The following PC variants were observed in gnomAD, a reference collection of about 807,000 sequenced individuals.
PC encodes pyruvate carboxylase, mitochondrial.
PC carries 46 observed loss-of-function variants against 107.8 expected under a neutral mutation model. The observed-to-expected ratio is 0.43, with a 90% confidence interval of 0.34 to 0.55. The LOEUF is 0.55. PC is among the 20% of genes least tolerant of loss of function. The probability of loss-of-function intolerance (pLI) is 0.04; values close to 1 mark genes in which losing one functional copy is unlikely to be tolerated. For synonymous variants in PC, 662 were observed against 684.7 expected (o/e 0.97, Z 0.52); for missense variants, 1,241 against 1,643.1 (o/e 0.76, Z 4.23).
intron 3 of PC, among the ~76,000 whole-genome samples, chr11:66,888,096 G>C (rs1389858723): frequency 6.6e-6 from 1 of 152,228 alleles, no homozygotes; most frequent in East Asian, 1.9e-4. Flanking sequence ...TTCCAGGTCA[G>C]AATCCTTCAT....
At chr11:66,867,286 T>C (rs1234290598) in intron 10 of PC, among the ~76,000 whole-genome samples, 1 of 152,168 alleles carries the variant, frequency 6.6e-6, no homozygotes, top group East Asian at 1.9e-4. Flanking sequence ...CTCAGGAGGC[T>C]GAGGCAGGAG....
chr11:66,877,214 C>T (rs1000795895), intron 3 of PC, among the ~76,000 whole-genome samples: 4 of 152,074 alleles, frequency 2.6e-5, no homozygotes, highest in East Asian at 1.9e-4. Context: ...GGTGAATCCC[C>T]GTCTCTACTA....
chr11:66,873,532 A>AT (rs1458865814), intron 3 of PC, among the ~76,000 whole-genome samples: 2 of 99,270 alleles, frequency 2.0e-5, no homozygotes, highest in South Asian at 2.4e-4. Flanking sequence ...ATATTATAAT[A>AT]TATATTATAT....
intron 11 of PC, among the ~76,000 whole-genome samples, chr11:66,864,371 C>T (rs562244705): frequency 7.2e-5 from 11 of 152,368 alleles, no homozygotes; most frequent in Admixed American, 1.3e-4. Flanking sequence ...CTGACCCGGC[C>T]GCTAAAGGGC....
intron 3 of PC, among the ~76,000 whole-genome samples, chr11:66,896,062 T>C (rs1947749829): frequency 6.6e-6 from 1 of 152,204 alleles, no homozygotes; most frequent in South Asian, 2.1e-4. Flanking sequence ...AAGGAAAAAT[T>C]GTTTCCAACC....
Position 66,871,495 on chromosome 11 carries a change from C to T in PC, c.322-15G>A. On this transcript the variant is annotated splice_polypyrimidine_tract_variant and intron_variant, in intron 5 of 22. Transcript: ENST00000393960. The surrounding 1 kb of genome is among the most constrained non-coding windows in gnomAD (Gnocchi z 7.4). ...ACGTTGTTCTCCTGCAGGTGGGGGT[C>T]AGGGAGAGGACGGTACCTTGCAGTC... 1 of 1,613,052 alleles carries T rather than the reference C, an allele frequency of 6.2e-7. No homozygotes were observed. Among genetic ancestry groups the T allele is most frequent in the Non-Finnish European group, 8.5e-7 (1 of 1,179,994 alleles).
chr11:66,858,155 G>A lies in PC; in HGVS notation c.1369-4772C>T, dbSNP rs138102608. ...GCAACCAGCTGGGCCGCATCGCGCCGGGAGCCTTCGACGACTTCCTAGAGA... is the reference window on the plus strand; with the variant it reads ...GCAACCAGCTGGGCCGCATCGCGCCAGGAGCCTTCGACGACTTCCTAGAGA... On this transcript the variant is annotated intron_variant, in intron 12 of 22. Transcript: ENST00000393960. This position sits in a 1 kb window ranked among gnomAD's most constrained non-coding sequence, Gnocchi z 5.9. 7 of 1,610,614 alleles carry A rather than the reference G, an allele frequency of 4.3e-6. No individual in the cohort carries two copies. The African/African-American group carries it at 9.3e-5, about 22-fold the overall frequency.
rs373825685 is a variant in PC at position 66,850,711 on chromosome 11, G to A, written c.2436C>T (p.Ala812=). 1 of 1,611,066 alleles carries A rather than the reference G, an allele frequency of 6.2e-7. No individual in the cohort carries two copies. The highest frequency in any genetic ancestry group is 8.5e-7 in the Non-Finnish European group (1 of 1,179,870). Residue 812 remains alanine, a synonymous_variant, in exon 18 of 23, where the codon GCC becomes GCT. Transcript: ENST00000393960. ...SGMTSQPSMG[A]LVACTRGTPL... ...GAGTCCCTCTGGTACAGGCCACCAG[G>A]GCCCCCATGCTGGGCTGTGAAGTCA...
At chr11:66,892,716 G>A (rs1235073544) in intron 3 of PC, among the ~76,000 whole-genome samples, 3 of 152,004 alleles carry the variant, frequency 2.0e-5, no homozygotes, top group Admixed American at 6.6e-5. Flanking sequence ...GCACGGTGGC[G>A]GGCGCCTATA....
rs564036126 is a variant in PC at position 66,943,463 on chromosome 11, G to T, written c.-1+8967C>A. Among the ~76,000 whole-genome samples the T allele has an allele frequency of 7.4e-4, 112 of 152,114 alleles. No individual in the cohort carries two copies. The South Asian group carries it at 0.022, about 30-fold the overall frequency. The stretch of plus-strand genomic sequence containing the variant: ...GTTAAGAAATAAACTTCTCGGCCGG[G>T]TGCGGTGGCTCACGCCTGTAATCCC... On this transcript the variant is annotated intron_variant, in intron 3 of 22. Coordinates refer to ENST00000393960, the MANE Select transcript of PC (RefSeq NM_001040716.2).
At chr11:66,935,433 A>G (rs1258758082) in intron 3 of PC, among the ~76,000 whole-genome samples, 2 of 152,206 alleles carry the variant, frequency 1.3e-5, no homozygotes, top group Non-Finnish European at 2.9e-5. Flanking sequence ...CAGGGAGAAG[A>G]GCCCTGCCTT....
intron 3 of PC, among the ~76,000 whole-genome samples, chr11:66,888,931 G>A (rs575228015): frequency 1.3e-5 from 2 of 151,956 alleles, no homozygotes; most frequent in African/African-American, 2.4e-5. Flanking sequence ...AAAATTAGCC[G>A]GGCGTGGTGG....
chr11:66,858,885 G>A lies in PC; in HGVS notation c.1368+4889C>T. On this transcript the variant is annotated intron_variant, in intron 12 of 22. Transcript: ENST00000393960. The surrounding 1 kb of genome is among the most constrained non-coding windows in gnomAD (Gnocchi z 5.9). ...CCATGGTGGGAACAGCAGTGCCGAG[G>A]GGGGCCGCCCCGGGCCCTCGGACAT... The A allele has an allele frequency of 2.6e-6, 4 of 1,562,554 alleles. No individual in the cohort carries two copies. Among genetic ancestry groups the A allele is most frequent in the East Asian group, 2.3e-5 (1 of 43,004 alleles).
intron 3 of PC, among the ~76,000 whole-genome samples, chr11:66,939,804 C>CAAAAAAAAAAAAAAAAAAA (rs56761659): frequency 2.5e-5 from 1 of 40,160 alleles, no homozygotes; most frequent in Non-Finnish European, 4.2e-5. Flanking sequence ...AACTCCGTCT[C>CAAAAAAAAAAAAAAAAAAA]AAAAAAAAAA....
intron 3 of PC, among the ~76,000 whole-genome samples, chr11:66,915,238 G>A (rs575612594): frequency 6.6e-6 from 1 of 152,236 alleles, no homozygotes. Context: ...CCTGCCTAAG[G>A]TTCCCCATGT....
Position 66,863,764 on chromosome 11 carries a change from A to C in PC, c.1368+10T>G. 1 of 1,602,264 alleles carries C rather than the reference A, an allele frequency of 6.2e-7. No individual in the cohort carries two copies. The highest frequency in any genetic ancestry group is 2.2e-5 in the East Asian group (1 of 44,654). On this transcript the variant is annotated intron_variant, in intron 12 of 22. Coordinates refer to ENST00000393960, the MANE Select transcript of PC (RefSeq NM_001040716.2). ...GGGAGCAAAGGCAGGCGGGGGCTGC[A>C]GCCTCTCACCTTCACACCTCGGACG...
At chr11:66,880,758 C>A (rs1947157361) in intron 3 of PC, among the ~76,000 whole-genome samples, 1 of 152,248 alleles carries the variant, frequency 6.6e-6, no homozygotes, top group African/African-American at 2.4e-5. Flanking sequence ...ATGGCTGGGG[C>A]CAGGCTCCCT....
intron 1 of PC, among the ~76,000 whole-genome samples, chr11:66,957,149 G>A (rs1003841759): frequency 6.6e-6 from 1 of 152,212 alleles, no homozygotes; most frequent in Non-Finnish European, 1.5e-5. Flanking sequence ...CCTTGGGGGA[G>A]GCCAGCCAGG....
intron 3 of PC, among the ~76,000 whole-genome samples, chr11:66,913,662 CAAA>C (rs11345088): frequency 5.4e-4 from 69 of 128,932 alleles, no homozygotes; most frequent in Admixed American, 6.3e-4. Context: ...AACTCTGTCT[CAAA>C]AAAAAAAAAA....
Sources: gnomAD v4.1 joint callset for allele counts (sites outside exome capture counted in the v4.1 genomes callset) on GRCh38, gnomAD v4.1.1 for gene constraint, Gnocchi (gnomAD v3.1) non-coding constraint, MANE v1.5 for transcripts, NCBI Gene and HGNC (gene_info 2026-07-23, HGNC 2026-07-21) for gene names.